TENM2: variants seen among roughly 807,000 people sequenced by gnomAD.
TENM2 encodes teneurin-2.
In TENM2, 52 loss-of-function variants were observed where a neutral mutation model predicts 245.2. The observed-to-expected ratio is 0.21, with a 90% CI of 0.17 to 0.27. The LOEUF is 0.27. Ranked by LOEUF, TENM2 falls within the 10% of genes least tolerant of loss-of-function variation. TENM2 has a pLI of 1.00. For missense variants in TENM2, 3,046 were observed against 3,666.8 expected, an observed-to-expected ratio of 0.83 and a Z score of 4.37; for synonymous variants, 1,363 against 1,438.9, an observed-to-expected ratio of 0.95 and a Z score of 1.19.
chr5:167,605,759 C>T (rs902125212), intron 2 of TENM2, among the ~76,000 whole-genome samples: 1 of 152,082 alleles, frequency 6.6e-6, no homozygotes. Flanking sequence ...CTGTTTTCTC[C>T]CCTCACTGTT....
chr5:167,686,136 T>G (rs1295580756), intron 2 of TENM2, among the ~76,000 whole-genome samples: 1 of 152,222 alleles, frequency 6.6e-6, no homozygotes, highest in African/African-American at 2.4e-5. Flanking sequence ...TACTATTATT[T>G]TCCAAGATCC....
intron 1 of TENM2, among the ~76,000 whole-genome samples, chr5:167,355,954 G>A (rs1179548457): frequency 9.3e-5 from 14 of 149,786 alleles, no homozygotes; most frequent in Admixed American, 8.0e-4. Context: ...AGGCCGAGGC[G>A]GGCAGATCAC....
At chr5:167,844,073 A>T (rs753841465) in intron 2 of TENM2, among the ~76,000 whole-genome samples, 1 of 152,200 alleles carries the variant, frequency 6.6e-6, no homozygotes, top group African/African-American at 2.4e-5. Context: ...TGTACAGCTT[A>T]GTTTGCTCAG....
At chr5:167,921,945 A>G (rs1333248960) in intron 3 of TENM2, among the ~76,000 whole-genome samples, 2 of 152,216 alleles carry the variant, frequency 1.3e-5, no homozygotes, top group Non-Finnish European at 2.9e-5. Flanking sequence ...TAGCAGAGCC[A>G]GGATGCACAA....
chr5:167,325,291 C>T (rs150499795), intron 1 of TENM2, among the ~76,000 whole-genome samples: 1,839 of 152,170 alleles, frequency 0.012, 43 homozygotes, highest in African/African-American at 0.041. Context: ...AGAATTTATA[C>T]TCATCTATTT....
intron 2 of TENM2, among the ~76,000 whole-genome samples, chr5:167,690,958 T>A (rs1757395957): frequency 6.9e-6 from 1 of 145,080 alleles, no homozygotes; most frequent in Non-Finnish European, 1.5e-5. Context: ...TGTGTGTGTG[T>A]GTGTGTGTGT....
At chr5:167,104,440 A>G in the TENM2 span, among the ~76,000 whole-genome samples, 2 of 152,322 alleles carry the variant, frequency 1.3e-5, no homozygotes, top group African/African-American at 4.8e-5. Context: ...TTTAATACAT[A>G]CATCAGGAAT....
exon 17 of TENM2, chr5:168,200,068 A>C: frequency 1.2e-6 from 2 of 1,613,746 alleles, no homozygotes; most frequent in South Asian, 1.1e-5. Flanking sequence ...CCTGGCCTAC[A>C]CCTTCATCTG....
At chr5:167,357,300 C>CTTTTTTT (rs11442891) in intron 1 of TENM2, among the ~76,000 whole-genome samples, 3 of 139,992 alleles carry the variant, frequency 2.1e-5, no homozygotes, top group Admixed American at 7.2e-5. Context: ...GCCATCCTTT[C>CTTTTTTT]TTTTTTTTTT....
intron 2 of TENM2, among the ~76,000 whole-genome samples, chr5:167,615,637 AT>A (rs1275541857): frequency 6.6e-6 from 1 of 151,918 alleles, no homozygotes; most frequent in African/African-American, 2.4e-5. Flanking sequence ...TGGCAGACAG[AT>A]TTTTTTTGAA....
chr5:167,385,665 CT>C (rs1483171813), intron 2 of TENM2, among the ~76,000 whole-genome samples: 4 of 152,092 alleles, frequency 2.6e-5, no homozygotes, highest in Non-Finnish European at 5.9e-5. Context: ...CCTTCCCACC[CT>C]TTCCCCCTGA....
chr5:167,848,521 G>A (rs151313688), intron 2 of TENM2, among the ~76,000 whole-genome samples: 1 of 152,062 alleles, frequency 6.6e-6, no homozygotes, highest in Admixed American at 6.5e-5. Flanking sequence ...GCCAAATGAG[G>A]CCAGTGGGCT....
chr5:167,255,307 G>T, the TENM2 span, among the ~76,000 whole-genome samples: 2 of 151,850 alleles, frequency 1.3e-5, no homozygotes, highest in Non-Finnish European at 1.5e-5. Flanking sequence ...TAGAGTAAAG[G>T]GTAACATCTT....
intron 1 of TENM2, among the ~76,000 whole-genome samples, chr5:167,360,730 A>G (rs1447637567): frequency 6.6e-6 from 1 of 152,200 alleles, no homozygotes; most frequent in East Asian, 1.9e-4. Context: ...AGTGTTTTCT[A>G]GTCACAGATA....
At chr5:167,316,115 C>T (rs1159845760) in intron 1 of TENM2, among the ~76,000 whole-genome samples, 1 of 152,196 alleles carries the variant, frequency 6.6e-6, no homozygotes, top group Non-Finnish European at 1.5e-5. Context: ...TATCATGCCT[C>T]ATGCTTCTTG....
chr5:167,278,040 A>T, the TENM2 span, among the ~76,000 whole-genome samples: 1 of 152,080 alleles, frequency 6.6e-6, no homozygotes, highest in Non-Finnish European at 1.5e-5. Flanking sequence ...ATGGTGGCTC[A>T]TGCCTGTAAT....
chr5:167,558,609 T>C (rs1294568170), intron 2 of TENM2, among the ~76,000 whole-genome samples: 3 of 152,210 alleles, frequency 2.0e-5, no homozygotes, highest in Non-Finnish European at 4.4e-5. Context: ...TGTGCATTTC[T>C]TATGAGAATC....
At chr5:167,142,313 T>C in the TENM2 span, among the ~76,000 whole-genome samples, 1 of 152,080 alleles carries the variant, frequency 6.6e-6, no homozygotes, top group East Asian at 1.9e-4. Flanking sequence ...AGGTACATCC[T>C]CATTTTCCAT....
At chr5:168,126,175 G>C (rs1364536989) in intron 11 of TENM2, among the ~76,000 whole-genome samples, 1 of 152,200 alleles carries the variant, frequency 6.6e-6, no homozygotes, top group Non-Finnish European at 1.5e-5. Context: ...CACCGCCAAG[G>C]TACCAATCTG....
Sources: allele counts gnomAD v4.1 joint callset (sites outside exome capture counted in the v4.1 genomes callset), GRCh38; gene constraint gnomAD v4.1.1; transcripts MANE v1.5; gene names NCBI Gene and HGNC (gene_info 2026-07-23, HGNC 2026-07-21).